Variants in ZNF324B observed in about 807,000 individuals in gnomAD.
ZNF324B encodes zinc finger protein 324B.
ZNF324B carries 7 observed loss-of-function variants against 10.6 expected under a neutral mutation model. The ratio of observed to expected loss-of-function variants is 0.66; its 90% CI spans 0.38 to 1.24. The LOEUF (loss-of-function observed/expected upper bound fraction) is 1.24, where lower values mean the gene tolerates loss of function less well. Among genes scored for constraint, ZNF324B ranks in the 50% most tolerant of loss-of-function variants. The pLI is 0.02. For missense variants in ZNF324B, 640 were observed against 764.7 expected (o/e 0.84, Z 1.92); for synonymous variants, 316 against 321.0 (o/e 0.98, Z 0.17).
At chr19:58,422,052 G>C in the ZNF324B span, among the ~76,000 whole-genome samples, 1 of 152,106 alleles carries the variant, frequency 6.6e-6, no homozygotes, top group Non-Finnish European at 1.5e-5. Context: ...CAAGTAGCTG[G>C]GACTACAGGT....
the ZNF324B span, chr19:58,429,054 C>T: frequency 2.0e-5 from 3 of 152,210 alleles, no homozygotes; most frequent in African/African-American, 7.2e-5. Context: ...GTCCAGATCA[C>T]AAGATTCAGT....
the ZNF324B span, chr19:58,433,942 G>A: frequency 1.2e-6 from 2 of 1,613,984 alleles, no homozygotes; most frequent in Non-Finnish European, 1.7e-6. Context: ...CTGGATGAGG[G>A]TGGAGCTATT....
At chr19:58,446,573 CTTTT>C in the ZNF324B span, among the ~76,000 whole-genome samples, 8 of 102,508 alleles carry the variant, frequency 7.8e-5, no homozygotes, top group East Asian at 4.9e-4. Flanking sequence ...ATTTCTTTCT[CTTTT>C]TTTTTTTTTT....
chr19:58,433,805 C>T, the ZNF324B span: 33 of 1,614,068 alleles, frequency 2.0e-5, no homozygotes, highest in African/African-American at 3.6e-4. Flanking sequence ...TTCCCACACT[C>T]ACTACACTCG....
chr19:58,434,686 T>C, the ZNF324B span: 8 of 1,614,160 alleles, frequency 5.0e-6, no homozygotes, highest in East Asian at 2.2e-5. Context: ...TCTCAGATGG[T>C]TGGGGAGAGT....
At chr19:58,426,812 A>G in the ZNF324B span, among the ~76,000 whole-genome samples, 1 of 152,226 alleles carries the variant, frequency 6.6e-6, no homozygotes, top group Non-Finnish European at 1.5e-5. Flanking sequence ...ACCATTGCAT[A>G]CAGCAGAGTG....
the ZNF324B span, chr19:58,441,530 G>A: frequency 6.6e-6 from 1 of 152,312 alleles, no homozygotes; most frequent in Non-Finnish European, 1.5e-5. Flanking sequence ...GATGCCTCCT[G>A]TGGAGAATAG....
the ZNF324B span, among the ~76,000 whole-genome samples, chr19:58,425,277 T>C: frequency 4.2e-4 from 62 of 148,720 alleles, no homozygotes; most frequent in African/African-American, 1.4e-3. Context: ...AAAGATGGGG[T>C]CTTGCTCTAT....
chr19:58,454,719 C>T, intron 3 of ZNF324B: 1 of 562,504 alleles, frequency 1.8e-6, no homozygotes, highest in Non-Finnish European at 3.2e-6. Flanking sequence ...CATGGTCCTG[C>T]CTTTGTGGGG....
upstream of ZNF324B, chr19:58,451,470 G>T: frequency 2.9e-6 from 1 of 345,332 alleles, no homozygotes; most frequent in Admixed American, 3.8e-5. Flanking sequence ...CAGCGCGGCG[G>T]CGCTTAGCCG....
At chr19:58,431,448 A>G in the ZNF324B span, among the ~76,000 whole-genome samples, 1 of 152,100 alleles carries the variant, frequency 6.6e-6, no homozygotes, top group Non-Finnish European at 1.5e-5. Flanking sequence ...TTTTCTAGAG[A>G]TGGGGCCTTG....
upstream of ZNF324B, among the ~76,000 whole-genome samples, chr19:58,449,563 C>T (rs117422330): frequency 6.0e-3 from 914 of 152,364 alleles, 6 homozygotes; most frequent in Non-Finnish European, 8.5e-3. Context: ...AGAGCTGCAG[C>T]TGCCCAAGAC....
chr19:58,427,350 CT>C, the ZNF324B span, among the ~76,000 whole-genome samples: 90 of 60,042 alleles, frequency 1.5e-3, 1 homozygote, highest in Admixed American at 4.9e-3. Flanking sequence ...TTTCTCTTTC[CT>C]TTCTTTCTTT....
the ZNF324B span, chr19:58,434,107 A>T: frequency 6.2e-7 from 1 of 1,613,934 alleles, no homozygotes; most frequent in Non-Finnish European, 8.5e-7. Context: ...GTGCTGAGCA[A>T]GGTTGGAGTT....
the ZNF324B span, chr19:58,433,543 C>A: frequency 6.2e-7 from 1 of 1,614,078 alleles, no homozygotes; most frequent in Middle Eastern, 1.6e-4. Context: ...GCTAAAGGCT[C>A]TCCCACATTC....
Position 58,456,463 on chromosome 19 carries a change from A to G in ZNF324B, c.1519A>G (p.Lys507Glu), listed in dbSNP as rs1254616092. 1 of 1,613,932 alleles carries G rather than the reference A, an allele frequency of 6.2e-7. No homozygotes were observed. The highest frequency in any genetic ancestry group is 8.5e-7 in the Non-Finnish European group (1 of 1,180,028). ...CCACCAGAGGATCCACACCACAGAG[A>G]AGACCAATGCCGCAGCACCAGACTG... Reference protein sequence around the residue: ...LHHQRIHTTEKTNAAAPDCTP... With the variant: ...LHHQRIHTTEETNAAAPDCTP... Residue 507 changes from lysine (K) to glutamate (E), a missense_variant, in exon 4 of 4, where the codon AAG becomes GAG. Transcript: ENST00000336614. The surrounding 1 kb of genome is among the most constrained non-coding windows in gnomAD (Gnocchi z 4.7).
Position 58,456,058 on chromosome 19 carries a change from G to A in ZNF324B, c.1114G>A (p.Ala372Thr), listed in dbSNP as rs371577190. 5 of 1,610,574 alleles carry A rather than the reference G, an allele frequency of 3.1e-6. No homozygotes were observed. Among genetic ancestry groups the A allele is most frequent in the African/African-American group, 1.3e-5 (1 of 75,008 alleles). ...IHAGGRPYACAQCGRRFCRNS... is the reference protein window; with the variant it reads ...IHAGGRPYACTQCGRRFCRNS... Reference sequence around the variant, plus strand: ...CGCGGGTGGGCGTCCTTATGCTTGCGCACAGTGTGGCCGCCGCTTCTGCCG... The same window carrying A: ...CGCGGGTGGGCGTCCTTATGCTTGCACACAGTGTGGCCGCCGCTTCTGCCG... Residue 372 changes from alanine (A) to threonine (T), a missense_variant, in exon 4 of 4, where the codon GCA (alanine) becomes ACA (threonine). By Grantham distance (58) the Ala-to-Thr change is moderately conservative. This residue lies in a region of ZNF324B where 238 missense variants were observed against 258.0 expected (regional missense o/e 0.92). Coordinates refer to ENST00000336614, the MANE Select transcript of ZNF324B (RefSeq NM_207395.3). This position sits in a 1 kb window ranked among gnomAD's most constrained non-coding sequence, Gnocchi z 4.7.
chr19:58,451,279 T>C (rs1368716877), upstream of ZNF324B, among the ~76,000 whole-genome samples: 1 of 152,236 alleles, frequency 6.6e-6, no homozygotes, highest in East Asian at 1.9e-4. Context: ...CCTGCTGGTG[T>C]TGCCTTCTGG....
At chr19:58,427,646 C>T in the ZNF324B span, among the ~76,000 whole-genome samples, 2 of 150,716 alleles carry the variant, frequency 1.3e-5, no homozygotes, top group South Asian at 2.1e-4. Flanking sequence ...TGAGCTACCG[C>T]GCCCAGCCTT....
Sources: allele counts gnomAD v4.1 joint callset (sites outside exome capture counted in the v4.1 genomes callset), GRCh38; gene constraint gnomAD v4.1.1; regional missense constraint gnomAD v4.1.1; non-coding constraint Gnocchi (gnomAD v3.1); transcripts MANE v1.5; gene names NCBI Gene and HGNC (gene_info 2026-07-23, HGNC 2026-07-21).